The following SCGB2B2 variants were observed in gnomAD, a reference collection of about 807,000 sequenced individuals.
SCGB2B2 encodes secretoglobin family 2B member 2, also known as secretoglobin-like protein.
Under a neutral mutation model 7.6 loss-of-function variants are expected in SCGB2B2, and 11 were observed. The observed-to-expected ratio is 1.45, with a 90% confidence interval of 0.91 to 2.40. SCGB2B2 has a LOEUF of 2.40. Ranked by LOEUF, SCGB2B2 falls within the 30% of genes most tolerant of loss-of-function variation. The pLI, the probability that SCGB2B2 is intolerant of heterozygous loss-of-function variation, is 0.00. For missense variants in SCGB2B2, 104 were observed against 115.4 expected (o/e 0.90, Z 0.45); for synonymous variants, 50 against 48.6 (o/e 1.03, Z -0.12).
At chr19:34,651,327 C>T (rs1010828412) in intron 1 of SCGB2B2, among the ~76,000 whole-genome samples, 2 of 150,990 alleles carry the variant, frequency 1.3e-5, no homozygotes, top group African/African-American at 2.5e-5. Context: ...GCAGAGGACA[C>T]GATCTTATGT....
chr19:34,622,164 CAAGCTCCTTGCTTAGGT>C (rs1352102852), intron 1 of SCGB2B2, among the ~76,000 whole-genome samples: 1 of 152,248 alleles, frequency 6.6e-6, no homozygotes, highest in African/African-American at 2.4e-5. Context: ...GCCATCAACT[CAAGCTCCTTGCTTAGGT>C]AACCTACTGG....
At chr19:34,613,245 C>T (rs2145852902) in intron 1 of SCGB2B2, among the ~76,000 whole-genome samples, 1 of 152,184 alleles carries the variant, frequency 6.6e-6, no homozygotes, top group Middle Eastern at 3.4e-3. Flanking sequence ...ACAACAGGCA[C>T]ATGCCACCAT....
rs2065314160 is a variant in SCGB2B2 at position 34,592,225 on chromosome 19, TGAAAG to T, written c.*1325_*1329del. On this transcript the variant is annotated 3_prime_UTR_variant, in exon 4 of 4. Coordinates refer to ENST00000601241, the MANE Select transcript of SCGB2B2 (RefSeq NM_001025591.4). Reference sequence around the variant, plus strand: ...TGGGAGTGAGGGAGGAGAAGAATGTTGAAAGGAAATCTGGGAGTGCAAAGATAGGG... The same window carrying T: ...TGGGAGTGAGGGAGGAGAAGAATGTTGAAATCTGGGAGTGCAAAGATAGGG... 6.6e-6 allele frequency among the ~76,000 whole-genome samples: 1 copy of T among 151,896 alleles called. No individual in the cohort carries two copies. Among genetic ancestry groups the T allele is most frequent in the African/African-American group, 2.4e-5 (1 of 41,342 alleles).
intron 1 of SCGB2B2, among the ~76,000 whole-genome samples, chr19:34,614,381 G>A (rs530637528): frequency 2.0e-5 from 3 of 151,788 alleles, no homozygotes; most frequent in Non-Finnish European, 4.4e-5. Context: ...TCTTCTGCTC[G>A]ATCAAGTCTG....
At chr19:34,631,112 T>TGGGGGGG in intron 1 of SCGB2B2, among the ~76,000 whole-genome samples, 1 of 89,078 alleles carries the variant, frequency 1.1e-5, no homozygotes, top group Admixed American at 1.6e-4. Context: ...CGGGGCCTGT[T>TGGGGGGG]GTGGGGTGGG....
downstream of SCGB2B2, among the ~76,000 whole-genome samples, chr19:34,590,161 C>A (rs1434849302): frequency 6.6e-6 from 1 of 152,114 alleles, no homozygotes; most frequent in African/African-American, 2.4e-5. Flanking sequence ...TGTTACCTGG[C>A]CCACTTTTCT....
chr19:34,630,069 G>A (rs1171597604), intron 1 of SCGB2B2, among the ~76,000 whole-genome samples: 1 of 151,900 alleles, frequency 6.6e-6, no homozygotes, highest in African/African-American at 2.4e-5. Flanking sequence ...TATGTAGAAA[G>A]CTGAAACTGG....
chr19:34,676,047 T>G lies in SCGB2B2; in HGVS notation c.-2449A>C, dbSNP rs890175841. On this transcript the variant is annotated 5_prime_UTR_variant, in exon 1 of 4. Transcript: ENST00000601241. ...ACCCCAGCGCGGTTGCCGCTGGTTGTTCGGGTGGCCCGTTTTTATTCCCTT... is the reference window on the plus strand; with the variant it reads ...ACCCCAGCGCGGTTGCCGCTGGTTGGTCGGGTGGCCCGTTTTTATTCCCTT... 1.3e-5 allele frequency: 2 copies of G among 152,256 alleles called. No individual in the cohort carries two copies. 9.4% of individuals were successfully genotyped at this position (152,256 alleles called of 1,614,324 possible). A position where few individuals can be genotyped will look rare whatever the true frequency, so the allele number is the denominator to read the frequency against.
chr19:34,647,808 C>A (rs950809465), intron 1 of SCGB2B2, among the ~76,000 whole-genome samples: 1 of 152,216 alleles, frequency 6.6e-6, no homozygotes, highest in African/African-American at 2.4e-5. Context: ...GACCACCCAA[C>A]AGGGAAATGT....
chr19:34,674,435 G>A (rs1320895359), intron 1 of SCGB2B2, among the ~76,000 whole-genome samples: 1 of 152,116 alleles, frequency 6.6e-6, no homozygotes, highest in Non-Finnish European at 1.5e-5. Context: ...ACATCCAAAC[G>A]GGCCCACAAA....
At chr19:34,614,281 CT>C (rs199886722) in intron 1 of SCGB2B2, among the ~76,000 whole-genome samples, 11 of 151,516 alleles carry the variant, frequency 7.3e-5, no homozygotes, top group East Asian at 1.9e-4. Context: ...AGTTTTATAA[CT>C]TTTTTTTTCA....
intron 1 of SCGB2B2, among the ~76,000 whole-genome samples, chr19:34,662,296 T>C (rs933658296): frequency 6.6e-6 from 1 of 152,026 alleles, no homozygotes; most frequent in Non-Finnish European, 1.5e-5. Flanking sequence ...ATCTATATAA[T>C]TAAAAAGAAA....
intron 1 of SCGB2B2, among the ~76,000 whole-genome samples, chr19:34,630,562 A>C (rs2066501538): frequency 6.6e-6 from 1 of 151,988 alleles, no homozygotes; most frequent in South Asian, 2.1e-4. Flanking sequence ...AACAACAATG[A>C]GATACCATCT....
At position 34,590,855 on chromosome 19, in the gene SCGB2B2, T is replaced by A. The variant is rs1175993733; in HGVS notation, c.*2700A>T. ...CAATTATTTTCTAACATTTTCCTTA[T>A]TCTTTCAAACACATGTGAAATGCTT... On this transcript the variant is annotated 3_prime_UTR_variant, in exon 4 of 4. Transcript: ENST00000601241. Among the ~76,000 whole-genome samples the A allele has an allele frequency of 6.6e-6, 1 of 152,200 alleles. No individual in the cohort carries two copies. The highest frequency in any genetic ancestry group is 1.5e-5 in the Non-Finnish European group (1 of 68,028).
chr19:34,604,106 T>C (rs543160642), intron 1 of SCGB2B2, among the ~76,000 whole-genome samples: 1 of 152,314 alleles, frequency 6.6e-6, no homozygotes, highest in South Asian at 2.1e-4. Flanking sequence ...TGCTGCTATA[T>C]TGCCAGACAG....
At chr19:34,609,634 T>C (rs73040205) in intron 1 of SCGB2B2, among the ~76,000 whole-genome samples, 4,013 of 152,266 alleles carry the variant, frequency 0.026, 77 homozygotes, top group Non-Finnish European at 0.038. Context: ...ATGGTAAATA[T>C]GTGGATTTAT....
chr19:34,638,451 A>C (rs565897325), intron 1 of SCGB2B2, among the ~76,000 whole-genome samples: 3 of 151,212 alleles, frequency 2.0e-5, no homozygotes, highest in African/African-American at 7.3e-5. Flanking sequence ...TCCAAAACAA[A>C]AAAAAAAAGG....
intron 1 of SCGB2B2, among the ~76,000 whole-genome samples, chr19:34,675,041 A>C (rs988069922): frequency 2.0e-5 from 3 of 152,232 alleles, no homozygotes; most frequent in Non-Finnish European, 4.4e-5. Context: ...TACTAAGACC[A>C]ATAGACATTC....
downstream of SCGB2B2, among the ~76,000 whole-genome samples, chr19:34,589,758 G>A (rs1434863771): frequency 1.3e-5 from 2 of 152,168 alleles, no homozygotes; most frequent in Non-Finnish European, 2.9e-5. Flanking sequence ...AGGAGGGTGA[G>A]TTCAAGGCAG....
Sources: allele counts gnomAD v4.1 joint callset (sites outside exome capture counted in the v4.1 genomes callset), GRCh38; gene constraint gnomAD v4.1.1; transcripts MANE v1.5; gene names NCBI Gene and HGNC (gene_info 2026-07-23, HGNC 2026-07-21).